CCDC85C: variants seen among roughly 807,000 people sequenced by gnomAD.
CCDC85C encodes the protein coiled-coil domain-containing protein 85C.
In CCDC85C, 18 loss-of-function variants were observed where a neutral mutation model predicts 38.3. That is an observed-to-expected ratio of 0.47 (90% CI 0.33 to 0.70). CCDC85C has a LOEUF of 0.70. CCDC85C is among the 30% of genes least tolerant of loss of function. The pLI, the probability that CCDC85C is intolerant of heterozygous loss-of-function variation, is 0.03. For missense variants in CCDC85C, 566 were observed against 621.2 expected, an observed-to-expected ratio of 0.91 and a Z score of 0.94; for synonymous variants, 264 against 293.8, an observed-to-expected ratio of 0.90 and a Z score of 1.04.
At chr14:99,527,560 C>T (rs1464119357) in intron 2 of CCDC85C, among the ~76,000 whole-genome samples, 1 of 152,152 alleles carries the variant, frequency 6.6e-6, no homozygotes, top group African/African-American at 2.4e-5. Flanking sequence ...CAGGTGGGAG[C>T]TGAGTTCACC....
intron 1 of CCDC85C, among the ~76,000 whole-genome samples, chr14:99,540,719 G>T (rs893759853): frequency 6.6e-6 from 1 of 152,310 alleles, no homozygotes; most frequent in African/African-American, 2.4e-5. Context: ...GGGGAGGAGG[G>T]TGTCTCCCTA....
chr14:99,561,042 CA>C (rs1898107320), intron 1 of CCDC85C, among the ~76,000 whole-genome samples: 1 of 152,194 alleles, frequency 6.6e-6, no homozygotes, highest in South Asian at 2.1e-4. Context: ...GGCAGGGCTG[CA>C]TTTGCAGAGA....
chr14:99,537,047 G>T (rs1897616719), intron 1 of CCDC85C, among the ~76,000 whole-genome samples: 1 of 152,124 alleles, frequency 6.6e-6, no homozygotes. Context: ...GAAGGAGGAG[G>T]CAAGGGGGAA....
intron 1 of CCDC85C, among the ~76,000 whole-genome samples, chr14:99,549,254 C>G (rs933715377): frequency 1.3e-5 from 2 of 152,190 alleles, no homozygotes; most frequent in African/African-American, 4.8e-5. Flanking sequence ...GGCGGCTGTT[C>G]TAGAAAAGAT....
chr14:99,573,219 G>T (rs76296303), intron 1 of CCDC85C, among the ~76,000 whole-genome samples: 1 of 152,174 alleles, frequency 6.6e-6, no homozygotes, highest in African/African-American at 2.4e-5. Context: ...CGCCTAGAGC[G>T]AACAGGACCT....
At chr14:99,581,052 G>A (rs539018714) in intron 1 of CCDC85C, among the ~76,000 whole-genome samples, 1 of 152,260 alleles carries the variant, frequency 6.6e-6, no homozygotes, top group African/African-American at 2.4e-5. Context: ...GACAGAGTGA[G>A]GGCTGGAGGA....
Position 99,502,641 on chromosome 14 carries a change from A to C in CCDC85C, c.*12605T>G. On this transcript the variant is annotated 3_prime_UTR_variant, in exon 6 of 6. Coordinates refer to ENST00000380243, the MANE Select transcript of CCDC85C (RefSeq NM_001144995.2). ...ATGCTTAGGTCCTCGTAGGGGTATC[A>C]TAACTGATTCTTTATCCAGGTAAAA... 1.4e-6 allele frequency: 2 copies of C among 1,406,754 alleles called. No individual in the cohort carries two copies. The highest frequency in any genetic ancestry group is 2.0e-6 in the Non-Finnish European group (2 of 1,010,198). The allele number at this position is 1,406,754 out of a possible 1,614,324, so 87.1% of individuals were successfully genotyped here.
At chr14:99,587,747 T>C (rs1350005453) in intron 1 of CCDC85C, among the ~76,000 whole-genome samples, 1 of 152,094 alleles carries the variant, frequency 6.6e-6, no homozygotes, top group Non-Finnish European at 1.5e-5. Flanking sequence ...CGTACAGTCA[T>C]GCGCCTGAGG....
Position 99,603,789 on chromosome 14 carries a change from G to A in CCDC85C, c.171C>T (p.Asn57=). 1 of 1,525,848 alleles carries A rather than the reference G, an allele frequency of 6.6e-7. No homozygotes were observed. Among genetic ancestry groups the A allele is most frequent in the Non-Finnish European group, 8.8e-7 (1 of 1,142,552 alleles). 94.5% of individuals were successfully genotyped at this position (1,525,848 alleles called of 1,614,324 possible). ...CCAGCAGGTGCTGCTGCAGCCGCCG[G>A]TTCACGTCGCGCATCAGGCCGCCGT... The part of the protein sequence containing the change: ...LEHGGLMRDV[N]RRLQQHLLEI... The change falls in exon 1 of 6, where the codon AAC becomes AAT. Residue 57 remains asparagine (N), a synonymous_variant. Coordinates refer to ENST00000380243, the MANE Select transcript of CCDC85C (RefSeq NM_001144995.2). The surrounding 1 kb of genome is among the most constrained non-coding windows in gnomAD (Gnocchi z 7.5).
intron 2 of CCDC85C, among the ~76,000 whole-genome samples, chr14:99,534,143 G>A (rs1897546025): frequency 6.6e-6 from 1 of 152,092 alleles, no homozygotes; most frequent in African/African-American, 2.4e-5. Context: ...ATCACCTGAG[G>A]TCGGGAGTTC....
chr14:99,586,762 G>T (rs569078377), intron 1 of CCDC85C, among the ~76,000 whole-genome samples: 1 of 152,120 alleles, frequency 6.6e-6, no homozygotes, highest in Non-Finnish European at 1.5e-5. Flanking sequence ...GTGTCGGCGG[G>T]GGACCCCCAG....
chr14:99,603,818 C>G lies in CCDC85C; in HGVS notation c.142G>C (p.Glu48Gln), dbSNP rs1595115112. ...ACGTCGCGCATCAGGCCGCCGTGCTCCAGCATGAGGCCCACCTTCTCGCCC... is the reference window on the plus strand; with the variant it reads ...ACGTCGCGCATCAGGCCGCCGTGCTGCAGCATGAGGCCCACCTTCTCGCCC... ...AEGEKVGLML[E>Q]HGGLMRDVNR... The change falls in exon 1 of 6, where the codon GAG (glutamate) becomes CAG (glutamine). Residue 48 changes from glutamate to glutamine, a missense_variant. This residue lies in a region of CCDC85C where 269 missense variants were observed against 308.2 expected (regional missense o/e 0.87). Coordinates refer to ENST00000380243, the MANE Select transcript of CCDC85C (RefSeq NM_001144995.2). The surrounding 1 kb of genome is among the most constrained non-coding windows in gnomAD (Gnocchi z 7.5). The G allele has an allele frequency of 1.6e-5, 24 of 1,525,256 alleles. No individual in the cohort carries two copies. Among genetic ancestry groups the G allele is most frequent in the Non-Finnish European group, 1.8e-5 (21 of 1,142,388 alleles). 94.5% of individuals were successfully genotyped at this position (1,525,256 alleles called of 1,614,324 possible).
chr14:99,510,401 G>T lies in CCDC85C; in HGVS notation c.*4845C>A. 6.4e-7 allele frequency: 1 copy of T among 1,560,598 alleles called. No individual in the cohort carries two copies. Among genetic ancestry groups the T allele is most frequent in the Non-Finnish European group, 8.7e-7 (1 of 1,154,300 alleles). On this transcript the variant is annotated 3_prime_UTR_variant, in exon 6 of 6. Transcript: ENST00000380243. ...GCCTGCAGTCCATGATGAAGACCGA[G>T]GGACCCTCCTACGGTGCCCTGCCCC...
At chr14:99,518,963 A>G (rs985747828) in intron 3 of CCDC85C, among the ~76,000 whole-genome samples, 2 of 152,038 alleles carry the variant, frequency 1.3e-5, no homozygotes, top group African/African-American at 2.4e-5. Context: ...AGGGGCCCCC[A>G]CCTGTACTAG....
At chr14:99,555,966 G>A (rs892486138) in intron 1 of CCDC85C, among the ~76,000 whole-genome samples, 27 of 152,304 alleles carry the variant, frequency 1.8e-4, no homozygotes, top group African/African-American at 5.5e-4. Context: ...CTAATGACAC[G>A]GAAACATCAG....
At chr14:99,539,340 G>C (rs1293972069) in intron 1 of CCDC85C, among the ~76,000 whole-genome samples, 3 of 151,894 alleles carry the variant, frequency 2.0e-5, no homozygotes. Context: ...CGTGATGGCA[G>C]GCACCTGTAA....
chr14:99,602,929 C>G (rs1210034160), intron 1 of CCDC85C, among the ~76,000 whole-genome samples: 1 of 152,190 alleles, frequency 6.6e-6, no homozygotes, highest in Non-Finnish European at 1.5e-5. Flanking sequence ...TGGGACCGGA[C>G]CGGCAGCAGG....
chr14:99,578,828 T>C (rs2054932955), intron 1 of CCDC85C, among the ~76,000 whole-genome samples: 2 of 152,178 alleles, frequency 1.3e-5, no homozygotes, highest in South Asian at 4.1e-4. Context: ...AGCGCTTCCC[T>C]AGAGTGAGGA....
At chr14:99,515,374 C>T (rs561953353) in intron 5 of CCDC85C, 39 bp from the exon 6 acceptor site, 21 of 1,440,458 alleles carry the variant, frequency 1.5e-5, no homozygotes, top group South Asian at 1.4e-4. Context: ...GGGACTCACC[C>T]GCGTCCACCT....
Sources: gnomAD v4.1 joint callset for allele counts (sites outside exome capture counted in the v4.1 genomes callset) on GRCh38, gnomAD v4.1.1 for gene constraint, gnomAD v4.1.1 regional missense constraint, Gnocchi (gnomAD v3.1) non-coding constraint, MANE v1.5 for transcripts, NCBI Gene and HGNC (gene_info 2026-07-23, HGNC 2026-07-21) for gene names.